The following CDKAL1 variants were observed in gnomAD, a reference collection of about 807,000 sequenced individuals.
CDKAL1 encodes the protein threonylcarbamoyladenosine tRNA methylthiotransferase.
In CDKAL1, 32 loss-of-function variants were observed where a neutral mutation model predicts 68.2. That is an observed-to-expected ratio of 0.47 (90% CI 0.35 to 0.63). CDKAL1 has a LOEUF of 0.63. CDKAL1 is among the 30% of genes least tolerant of loss of function. The probability of loss-of-function intolerance (pLI) is 0.00; values close to 1 mark genes in which losing one functional copy is unlikely to be tolerated. For synonymous variants in CDKAL1, 234 were observed against 244.3 expected, an observed-to-expected ratio of 0.96 and a Z score of 0.39; for missense variants, 606 against 696.7, an observed-to-expected ratio of 0.87 and a Z score of 1.47.
intron 6 of CDKAL1, among the ~76,000 whole-genome samples, chr6:20,751,277 G>C (rs1049210428): frequency 2.0e-5 from 3 of 152,146 alleles, no homozygotes; most frequent in Non-Finnish European, 2.9e-5. Flanking sequence ...AATTGTGTTT[G>C]AGATGTATGT....
At chr6:21,141,362 G>T (rs903220463) in intron 13 of CDKAL1, among the ~76,000 whole-genome samples, 2 of 152,204 alleles carry the variant, frequency 1.3e-5, no homozygotes, top group African/African-American at 4.8e-5. Flanking sequence ...CCTGGAATAT[G>T]TGGCATCTTT....
intron 12 of CDKAL1, among the ~76,000 whole-genome samples, chr6:21,105,071 A>G (rs142145373): frequency 1.7e-3 from 255 of 152,330 alleles, no homozygotes; most frequent in African/African-American, 4.8e-3. Context: ...ACTCCTAACA[A>G]AGGAAGTGTT....
chr6:20,750,213 C>G (rs898099628), intron 6 of CDKAL1, among the ~76,000 whole-genome samples: 1 of 152,210 alleles, frequency 6.6e-6, no homozygotes. Context: ...GTAGCTGGGA[C>G]TGCAGGCACA....
rs565513149 is a variant in CDKAL1, at chr6:20,673,986, TA to T, written c.371+24610del. ...TTATGTTCTTTGTTGCCTTTGTAAATATTTTTTTTTCTGCCTTTCATAGAGG... is the reference window on the plus strand; with the variant it reads ...TTATGTTCTTTGTTGCCTTTGTAAATTTTTTTTTTCTGCCTTTCATAGAGG... On this transcript the variant is annotated intron_variant, in intron 5 of 15. Coordinates refer to ENST00000274695, the MANE Select transcript of CDKAL1 (RefSeq NM_017774.3). Among the ~76,000 whole-genome samples, 257 of 152,200 alleles carry T rather than the reference TA, an allele frequency of 1.7e-3. 1 individual carries two copies. The highest frequency in any genetic ancestry group is 6.0e-3 in the African/African-American group (250 of 41,478).
chr6:20,824,979 G>C (rs1194305845), intron 8 of CDKAL1, among the ~76,000 whole-genome samples: 1 of 152,174 alleles, frequency 6.6e-6, no homozygotes, highest in Non-Finnish European at 1.5e-5. Flanking sequence ...ATAAGTTGTA[G>C]TTAATTGGTA....
intron 9 of CDKAL1, among the ~76,000 whole-genome samples, chr6:20,943,331 A>G (rs904406807): frequency 2.8e-4 from 24 of 85,882 alleles, no homozygotes; most frequent in African/African-American, 1.0e-3. Flanking sequence ...GTTTTTTCAA[A>G]AAAAAAAAAA....
chr6:20,705,779 T>C (rs1169938307), intron 5 of CDKAL1, among the ~76,000 whole-genome samples: 2 of 152,192 alleles, frequency 1.3e-5, no homozygotes, highest in Non-Finnish European at 2.9e-5. Context: ...TCTAACTTTA[T>C]AGAAAAGCTT....
At chr6:20,972,212 A>C (rs918938848) in intron 10 of CDKAL1, among the ~76,000 whole-genome samples, 1 of 152,228 alleles carries the variant, frequency 6.6e-6, no homozygotes, top group Non-Finnish European at 1.5e-5. Context: ...ATCATATCAC[A>C]AGATCTCTCT....
chr6:20,583,283 T>C (rs1765210336), intron 4 of CDKAL1, among the ~76,000 whole-genome samples: 8 of 152,194 alleles, frequency 5.3e-5, no homozygotes, highest in Admixed American at 5.2e-4. Flanking sequence ...TGTTAGACTT[T>C]TACTTCTTGA....
At chr6:20,572,479 C>G (rs1452500145) in intron 4 of CDKAL1, among the ~76,000 whole-genome samples, 1 of 152,140 alleles carries the variant, frequency 6.6e-6, no homozygotes, top group African/African-American at 2.4e-5. Flanking sequence ...TGCACATAGT[C>G]AAAGTAAATT....
chr6:21,225,981 G>A (rs1779725475), intron 15 of CDKAL1, among the ~76,000 whole-genome samples: 1 of 152,116 alleles, frequency 6.6e-6, no homozygotes, highest in African/African-American at 2.4e-5. Context: ...AATACTAGCA[G>A]TATCTCCATT....
chr6:20,961,947 G>A lies in CDKAL1; in HGVS notation c.909+6362G>A, dbSNP rs1349002531. Among the ~76,000 whole-genome samples the A allele has an allele frequency of 2.0e-5, 3 of 152,032 alleles. No individual in the cohort carries two copies. In the East Asian group the frequency reaches 5.8e-4, roughly 29 times the overall value. On this transcript the variant is annotated intron_variant, in intron 10 of 15. Transcript: ENST00000274695. ...ATGTTTATTTTAAAAAGTTATTCTGGTCCTCCCTCTGTCATGAATAGTTCA... is the reference window on the plus strand; with the variant it reads ...ATGTTTATTTTAAAAAGTTATTCTGATCCTCCCTCTGTCATGAATAGTTCA...
At chr6:21,014,949 G>A (rs1768242827) in intron 11 of CDKAL1, among the ~76,000 whole-genome samples, 1 of 152,108 alleles carries the variant, frequency 6.6e-6, no homozygotes, top group African/African-American at 2.4e-5. Context: ...AGGAATTGGT[G>A]TTATTTCAGT....
intron 7 of CDKAL1, among the ~76,000 whole-genome samples, chr6:20,773,281 C>T (rs1484540634): frequency 1.3e-5 from 2 of 152,080 alleles, no homozygotes; most frequent in African/African-American, 2.4e-5. Context: ...TGAATACCTA[C>T]CTTTTTTTCT....
At chr6:20,574,242 G>A (rs186060943) in intron 4 of CDKAL1, among the ~76,000 whole-genome samples, 2 of 152,196 alleles carry the variant, frequency 1.3e-5, no homozygotes, top group East Asian at 1.9e-4. Flanking sequence ...TAAAATAGAT[G>A]ATATAATGGG....
chr6:20,847,263 C>T lies in CDKAL1; in HGVS notation c.742+1085C>T, dbSNP rs529268226. ...GACTCTTGCTAGCATTCTCCTTTTA[C>T]AGCCAGATTATTGTCTAATCTAAGA... On this transcript the variant is annotated intron_variant, in intron 9 of 15. Coordinates refer to ENST00000274695, the MANE Select transcript of CDKAL1 (RefSeq NM_017774.3). 2.6e-5 allele frequency among the ~76,000 whole-genome samples: 4 copies of T among 152,306 alleles called. No individual in the cohort carries two copies. In the East Asian group the frequency reaches 5.8e-4, roughly 22 times the overall value.
chr6:20,824,761 A>ATTCC (rs971156930), intron 8 of CDKAL1, among the ~76,000 whole-genome samples: 25 of 152,270 alleles, frequency 1.6e-4, no homozygotes, highest in African/African-American at 5.5e-4. Flanking sequence ...GGGGGAAAGG[A>ATTCC]TTCCGCAAGG....
intron 5 of CDKAL1, among the ~76,000 whole-genome samples, chr6:20,652,753 C>T (rs899248174): frequency 9.2e-5 from 14 of 152,082 alleles, no homozygotes; most frequent in African/African-American, 3.4e-4. Flanking sequence ...CATACATTAG[C>T]GTTTATAAAA....
intron 10 of CDKAL1, among the ~76,000 whole-genome samples, chr6:20,968,924 T>C (rs1765458262): frequency 6.6e-6 from 1 of 152,110 alleles, no homozygotes; most frequent in South Asian, 2.1e-4. Context: ...AGGGACAGTT[T>C]CTATTGTCTC....
Sources: gnomAD v4.1 joint callset for allele counts (sites outside exome capture counted in the v4.1 genomes callset) on GRCh38, gnomAD v4.1.1 for gene constraint, MANE v1.5 for transcripts, NCBI Gene and HGNC (gene_info 2026-07-23, HGNC 2026-07-21) for gene names.